Variants in DNAJC10 observed in about 807,000 individuals in gnomAD.
DNAJC10 encodes the protein endoplasmic reticulum disulfide reductase DNAJC10.
A neutral mutation model predicts 115.0 loss-of-function variants in DNAJC10; 101 were observed. The observed-to-expected ratio is 0.88, with a 90% CI of 0.75 to 1.04. DNAJC10 has a LOEUF of 1.04. Among genes scored for constraint, DNAJC10 ranks in the 50% least tolerant of loss-of-function variants. The probability of loss-of-function intolerance (pLI) is 0.00; values close to 1 mark genes in which losing one functional copy is unlikely to be tolerated. For missense variants in DNAJC10, 981 were observed against 928.8 expected (o/e 1.06, Z -0.73); for synonymous variants, 307 against 301.5 (o/e 1.02, Z -0.19).
In DNAJC10 at chr2:182,718,060, T is replaced by G. The variant is rs1216863604; in HGVS notation, c.-27T>G. ...CCAGCAGTGAATCTTAATGTTCACT[T>G]AAATCAGAACTTGCATAAGAAAGAG... On this transcript the variant is annotated 5_prime_UTR_variant, in exon 3 of 24. An upstream open reading frame in the 5' UTR loses its in-frame stop. Coordinates refer to ENST00000264065, the MANE Select transcript of DNAJC10 (RefSeq NM_018981.4). 6.5e-7 allele frequency: 1 copy of G among 1,546,294 alleles called. No homozygotes were observed. The highest frequency in any genetic ancestry group is 1.2e-5 in the South Asian group (1 of 82,876).
intron 22 of DNAJC10, among the ~76,000 whole-genome samples, chr2:182,770,218 C>A (rs1169633320): frequency 1.3e-5 from 2 of 152,110 alleles, no homozygotes; most frequent in African/African-American, 2.4e-5. Flanking sequence ...GTTACTGTAG[C>A]CTTGTAGTAT....
chr2:182,741,193 C>A, intron 12 of DNAJC10, 50 bp from the exon 13 acceptor site: 2 of 1,226,908 alleles, frequency 1.6e-6, no homozygotes, highest in Non-Finnish European at 2.4e-6. Flanking sequence ...AAGATTAGAA[C>A]CCTTAGAATT....
intron 9 of DNAJC10, 73 bp downstream of exon 9, chr2:182,731,180 T>A (rs1370186423): frequency 2.8e-6 from 3 of 1,078,198 alleles, no homozygotes; most frequent in Non-Finnish European, 4.2e-6. Flanking sequence ...TTAAGTATGC[T>A]ACTGTAATTG....
chr2:182,741,140 T>C, intron 12 of DNAJC10, 103 bp from the exon 13 acceptor site: 1 of 705,080 alleles, frequency 1.4e-6, no homozygotes, highest in South Asian at 1.9e-5. Context: ...TATTTTGAAA[T>C]AATGGGTAGG....
At chr2:182,725,501 TAACAC>T (rs899572103) in intron 5 of DNAJC10, among the ~76,000 whole-genome samples, 3 of 152,194 alleles carry the variant, frequency 2.0e-5, no homozygotes, top group Admixed American at 1.3e-4. Flanking sequence ...ACACTAATGA[TAACAC>T]AAAACAGCCA....
At chr2:182,766,780 C>G (rs1694423264) in intron 22 of DNAJC10, among the ~76,000 whole-genome samples, 1 of 152,132 alleles carries the variant, frequency 6.6e-6, no homozygotes, top group Admixed American at 6.5e-5. Context: ...GCCACCTAAT[C>G]ATACAAATGT....
At chr2:182,732,638 T>G in intron 10 of DNAJC10, 96 bp downstream of exon 10, 1 of 1,168,330 alleles carries the variant, frequency 8.6e-7, no homozygotes, top group Non-Finnish European at 1.3e-6. Flanking sequence ...TCTTGAACAT[T>G]TAACTCACCT....
chr2:182,749,042 C>A (rs902968140), intron 14 of DNAJC10, among the ~76,000 whole-genome samples: 5 of 152,010 alleles, frequency 3.3e-5, no homozygotes, highest in Non-Finnish European at 5.9e-5. Flanking sequence ...AATTTCTATT[C>A]TTTTACATTT....
chr2:182,763,034 G>C (rs1694324533), intron 22 of DNAJC10, among the ~76,000 whole-genome samples: 2 of 151,952 alleles, frequency 1.3e-5, no homozygotes, highest in Admixed American at 1.3e-4. Flanking sequence ...CTAATGAATA[G>C]GAAAACTACT....
chr2:182,759,346 C>G (rs774255640), intron 21 of DNAJC10, 39 bp downstream of exon 21: 5 of 1,561,936 alleles, frequency 3.2e-6, no homozygotes, highest in African/African-American at 2.8e-5. Context: ...TAGCCACATT[C>G]ATGTTTTAGT....
Position 182,718,209 on chromosome 2 carries a change from AGT to A in DNAJC10, c.126_127del (p.Ser43GlnfsTer6), listed in dbSNP as rs756457768. On this transcript the variant is annotated frameshift_variant, in exon 3 of 24. Coordinates refer to ENST00000264065, the MANE Select transcript of DNAJC10 (RefSeq NM_018981.4). LOFTEE classifies it high-confidence loss of function. ...TDQDFYSLLGVSKTASSREIR... is the reference protein window; with the variant it reads ...TDQDFYSLLGXSKTASSREIR... The stretch of plus-strand genomic sequence containing the variant: ...ATCAGGATTTTTACAGTTTACTTGG[AGT>A]GTCCAAAACTGCAAGCAGTAGAGAA... 2 of 1,613,594 alleles carry A rather than the reference AGT, an allele frequency of 1.2e-6. No homozygotes were observed. The highest frequency in any genetic ancestry group is 1.7e-6 in the Non-Finnish European group (2 of 1,179,814).
chr2:182,764,741 C>T (rs112072879), intron 22 of DNAJC10, among the ~76,000 whole-genome samples: 12 of 152,138 alleles, frequency 7.9e-5, no homozygotes, highest in South Asian at 4.1e-4. Flanking sequence ...TAGTTGCCAC[C>T]GCTAGTAATA....
chr2:182,781,685 G>A lies in DNAJC10; in HGVS notation c.*4553G>A, dbSNP rs550641351. On this transcript the variant is annotated 3_prime_UTR_variant, in exon 24 of 24. Transcript: ENST00000264065. The stretch of plus-strand genomic sequence containing the variant: ...CTGATGTGACATGGTATCTCATTGT[G>A]TTTTTGATTTGCATTTCTCTAATGA... 5 of 152,222 alleles carry A rather than the reference G, an allele frequency of 3.3e-5. No homozygotes were observed. In the East Asian group the frequency reaches 9.6e-4, roughly 29 times the overall value. The allele number at this position is 152,222 out of a possible 1,614,324, so 9.4% of individuals were successfully genotyped here.
chr2:182,738,517 C>T (rs770884055), intron 11 of DNAJC10, among the ~76,000 whole-genome samples: 8 of 151,784 alleles, frequency 5.3e-5, no homozygotes, highest in Non-Finnish European at 1.2e-4. Context: ...CATTACTTGT[C>T]CCTCCCCAAA....
intron 4 of DNAJC10, 138 bp from the exon 5 acceptor site, chr2:182,721,887 A>G (rs1188955402): frequency 4.0e-6 from 2 of 498,908 alleles, no homozygotes; most frequent in Non-Finnish European, 3.5e-6. Flanking sequence ...TTCACTTAGG[A>G]TGTTGCATAT....
chr2:182,764,190 C>G (rs766074845), intron 22 of DNAJC10, among the ~76,000 whole-genome samples: 5 of 152,080 alleles, frequency 3.3e-5, no homozygotes, highest in Non-Finnish European at 7.4e-5. Flanking sequence ...TAATGAATGC[C>G]TGCTGCTGAT....
rs1257701621 is a variant in DNAJC10 at position 182,722,030 on chromosome 2, TATG to T, written c.382_384del (p.Asp128del). ...TTATATACTTTTAAAATTAGGTATT[TATG>T]ATGATGATCCTGAAATCATAACATT... On this transcript the variant is annotated inframe_deletion, in exon 5 of 24. Coordinates refer to ENST00000264065, the MANE Select transcript of DNAJC10 (RefSeq NM_018981.4). 3 of 1,530,204 alleles carry T rather than the reference TATG, an allele frequency of 2.0e-6. No individual in the cohort carries two copies. The highest frequency in any genetic ancestry group is 2.7e-6 in the Non-Finnish European group (3 of 1,127,708). 94.8% of individuals were successfully genotyped at this position (1,530,204 alleles called of 1,614,324 possible).
intron 7 of DNAJC10, 173 bp downstream of exon 7, chr2:182,729,167 G>A (rs1179356797): frequency 6.5e-6 from 4 of 613,606 alleles, no homozygotes; most frequent in Non-Finnish European, 1.1e-5. Context: ...TTTTTTTTTT[G>A]AGATGGAGTC....
At chr2:182,761,323 A>G (rs1037212940) in intron 21 of DNAJC10, among the ~76,000 whole-genome samples, 5 of 152,170 alleles carry the variant, frequency 3.3e-5, no homozygotes, top group African/African-American at 1.2e-4. Flanking sequence ...AAGCAAATAT[A>G]CAAACATTTT....
Sources: allele counts gnomAD v4.1 joint callset (sites outside exome capture counted in the v4.1 genomes callset), GRCh38; gene constraint gnomAD v4.1.1; transcripts MANE v1.5; gene names NCBI Gene and HGNC (gene_info 2026-07-23, HGNC 2026-07-21).